The following POLE2 variants were observed in gnomAD, a reference collection of about 807,000 sequenced individuals.
POLE2 encodes DNA polymerase epsilon subunit 2.
In POLE2, 56 loss-of-function variants were observed where a neutral mutation model predicts 79.4. The observed-to-expected ratio is 0.71, with a 90% CI of 0.57 to 0.88. The LOEUF (loss-of-function observed/expected upper bound fraction) is 0.88. Ranked by LOEUF, POLE2 falls within the 40% of genes least tolerant of loss-of-function variation. The pLI is 0.00. For synonymous variants in POLE2, 212 were observed against 214.0 expected (o/e 0.99, Z 0.08); for missense variants, 598 against 638.9 (o/e 0.94, Z 0.69).
chr14:49,655,243 C>T (rs1884568449), intron 11 of POLE2, 149 bp from the exon 12 acceptor site: 1 of 315,066 alleles, frequency 3.2e-6, no homozygotes, highest in African/African-American at 2.2e-5. Context: ...TAACAGTAGC[C>T]ATTCATTGAG....
intron 15 of POLE2, 91 bp downstream of exon 15, chr14:49,653,899 C>G (rs1390415219): frequency 1.4e-6 from 1 of 727,158 alleles, no homozygotes; most frequent in African/African-American, 1.8e-5. Flanking sequence ...CCTCGGCCTC[C>G]CAAAGTGCTG....
chr14:49,683,288 C>A (rs907656057), intron 2 of POLE2, among the ~76,000 whole-genome samples: 1 of 151,926 alleles, frequency 6.6e-6, no homozygotes, highest in African/African-American at 2.4e-5. Flanking sequence ...TGTAATCCCA[C>A]CTACTCGTGA....
chr14:49,673,578 A>T (rs774968905), intron 5 of POLE2, among the ~76,000 whole-genome samples: 10 of 152,124 alleles, frequency 6.6e-5, no homozygotes, highest in Admixed American at 2.0e-4. Context: ...TATTGAATAC[A>T]TTGTTTGTAT....
intron 18 of POLE2, among the ~76,000 whole-genome samples, chr14:49,646,064 T>C (rs946811500): frequency 6.6e-6 from 1 of 152,214 alleles, no homozygotes; most frequent in Non-Finnish European, 1.5e-5. Context: ...CAAAATCAAG[T>C]GCCCTCAGGA....
chr14:49,643,915 T>G (rs1233676991), intron 18 of POLE2, among the ~76,000 whole-genome samples: 2 of 139,006 alleles, frequency 1.4e-5, no homozygotes, highest in Non-Finnish European at 3.1e-5. Context: ...AGTCTCACTC[T>G]GTTGCCCAGG....
At position 49,655,076 on chromosome 14, in the gene POLE2, G is replaced by A. The variant is rs1884555702; in HGVS notation, c.947C>T (p.Pro316Leu). The change falls in exon 12 of 19, where the codon CCA becomes CTA. Residue 316 changes from proline (P) to leucine (L), a missense_variant. Physicochemically the swap from Pro to Leu is moderately conservative, Grantham distance 98. Coordinates refer to ENST00000216367, the MANE Select transcript of POLE2 (RefSeq NM_002692.4). ...IMFAGYSPAP[P>L]TCFILCGNFS... Reference sequence around the variant, plus strand: ...ATTACCACACAGAATAAAGCAGGTTGGAGGTGCTGGTGAATAACCTAAACA... The same window carrying A: ...ATTACCACACAGAATAAAGCAGGTTAGAGGTGCTGGTGAATAACCTAAACA... 1 of 1,547,300 alleles carries A rather than the reference G, an allele frequency of 6.5e-7. No homozygotes were observed. Among genetic ancestry groups the A allele is most frequent in the East Asian group, 2.4e-5 (1 of 42,046 alleles).
At chr14:49,674,242 G>T (rs766206794) in intron 4 of POLE2, 26 bp from the exon 5 acceptor site, 13 of 1,525,852 alleles carry the variant, frequency 8.5e-6, no homozygotes, top group South Asian at 1.1e-5. Flanking sequence ...GCCTATTTTT[G>T]ACTATCATAA....
At chr14:49,686,458 G>C (rs761719041) in intron 1 of POLE2, among the ~76,000 whole-genome samples, 2 of 152,102 alleles carry the variant, frequency 1.3e-5, no homozygotes, top group Non-Finnish European at 2.9e-5. Context: ...AGCTTGAAGC[G>C]AATGCTGTCT....
At chr14:49,662,678 T>G (rs1400364361) in intron 10 of POLE2, among the ~76,000 whole-genome samples, 1 of 152,238 alleles carries the variant, frequency 6.6e-6, no homozygotes, top group African/African-American at 2.4e-5. Flanking sequence ...CTCTGAAACC[T>G]AGGCCTTTAT....
rs540685335 is a variant in POLE2, at chr14:49,653,630, G to GT, written c.1211+359dup. 3.2e-4 allele frequency among the ~76,000 whole-genome samples: 48 copies of GT among 151,224 alleles called. 1 individual carries two copies. In the South Asian group the frequency reaches 4.6e-3, roughly 15 times the overall value. On this transcript the variant is annotated intron_variant, in intron 15 of 18. Transcript: ENST00000216367. The stretch of plus-strand genomic sequence containing the variant: ...AATCAAGTTAGTTTTTTTGTTTTTT[G>GT]TTTTTTTTGTTTTTTTGTTTTTTGT...
chr14:49,661,546 C>T (rs1326227654), intron 10 of POLE2, among the ~76,000 whole-genome samples: 1 of 152,026 alleles, frequency 6.6e-6, no homozygotes, highest in Non-Finnish European at 1.5e-5. Flanking sequence ...CTCACATCTT[C>T]CGTTTAAAAA....
chr14:49,667,141 T>A (rs1344870228), intron 6 of POLE2, among the ~76,000 whole-genome samples: 1 of 151,838 alleles, frequency 6.6e-6, no homozygotes. Context: ...TAAGCCGAGA[T>A]CGCCTTGCAT....
chr14:49,654,238 C>A, intron 13 of POLE2, 24 bp from the exon 14 acceptor site: 1 of 1,531,852 alleles, frequency 6.5e-7, no homozygotes, highest in South Asian at 1.2e-5. Flanking sequence ...CAACACAATT[C>A]ATTTAAAAAT....
intron 10 of POLE2, among the ~76,000 whole-genome samples, 173 bp from the exon 11 acceptor site, chr14:49,656,016 A>G (rs1163411937): frequency 6.6e-6 from 1 of 152,244 alleles, no homozygotes; most frequent in Non-Finnish European, 1.5e-5. Context: ...CAAGATAAGC[A>G]ATATGGAAGC....
chr14:49,659,294 C>T (rs1448178985), intron 10 of POLE2, among the ~76,000 whole-genome samples: 1 of 151,614 alleles, frequency 6.6e-6, no homozygotes, highest in Non-Finnish European at 1.5e-5. Context: ...GTCTTAGCTA[C>T]TTGGGAAGCT....
At position 49,665,276 on chromosome 14, in the gene POLE2, A is replaced by G. The variant is rs575037865; in HGVS notation, c.577-113T>C. ...TACAATAGGGAGAAAGTGGATTTTA[A>G]AAATCAGCTATTATTTCTAGTCCAG... On this transcript the variant is annotated intron_variant, in intron 7 of 18. Transcript: ENST00000216367. 32 of 622,334 alleles carry G rather than the reference A, an allele frequency of 5.1e-5. No homozygotes were observed. In the East Asian group the frequency reaches 8.8e-4, roughly 17 times the overall value. The allele number at this position is 622,334 out of a possible 1,614,324, so 38.6% of individuals were successfully genotyped here. A position where few individuals can be genotyped will look rare whatever the true frequency, so the allele number is the denominator to read the frequency against.
At chr14:49,650,550 T>C (rs538451802) in intron 16 of POLE2, 109 bp from the exon 17 acceptor site, 2 of 645,360 alleles carry the variant, frequency 3.1e-6, no homozygotes, top group Admixed American at 4.1e-5. Flanking sequence ...ACCAGAAAAT[T>C]TGAGAAACTA....
intron 10 of POLE2, among the ~76,000 whole-genome samples, chr14:49,660,462 A>ATT (rs927082401): frequency 1.4e-5 from 2 of 147,362 alleles, no homozygotes; most frequent in Non-Finnish European, 3.0e-5. Context: ...ATATTTTCTA[A>ATT]TTTTTTTTTT....
chr14:49,663,361 C>T lies in POLE2; in HGVS notation c.709G>A (p.Val237Ile). The change falls in exon 10 of 19, where the codon GTC (valine) becomes ATC (isoleucine). Residue 237 changes from valine (V) to isoleucine (I), a missense_variant. Physicochemically the swap from Val to Ile is conservative, Grantham distance 29 (BLOSUM62 3). Transcript: ENST00000216367. The stretch of plus-strand genomic sequence containing the variant: ...GTGGGTGGAAATCCAAAGGCATTGA[C>T]ATGAAACACTTGATCTTCAAACCAA... ...EGWFEDQVFH[V>I]NAFGFPPTEP... is the part of the protein sequence containing the mutation. The T allele has an allele frequency of 6.2e-7, 1 of 1,610,392 alleles. No individual in the cohort carries two copies. Among genetic ancestry groups the T allele is most frequent in the Non-Finnish European group, 8.5e-7 (1 of 1,177,612 alleles).
Sources: gnomAD v4.1 joint callset for allele counts (sites outside exome capture counted in the v4.1 genomes callset) on GRCh38, gnomAD v4.1.1 for gene constraint, MANE v1.5 for transcripts, NCBI Gene and HGNC (gene_info 2026-07-23, HGNC 2026-07-21) for gene names.